Variants in SVIL observed in about 807,000 individuals in gnomAD.
SVIL encodes supervillin, also known as archvillin.
A neutral mutation model predicts 240.4 loss-of-function variants in SVIL; 101 were observed. The ratio of observed to expected loss-of-function variants is 0.42; its 90% CI spans 0.36 to 0.50. The LOEUF (loss-of-function observed/expected upper bound fraction) is 0.50. Among genes scored for constraint, SVIL ranks in the 20% least tolerant of loss-of-function variants. The pLI, the probability that SVIL is intolerant of heterozygous loss-of-function variation, is 0.01. For missense variants in SVIL, 2,512 were observed against 2,818.7 expected (o/e 0.89, Z 2.46); for synonymous variants, 999 against 1,100.0 (o/e 0.91, Z 1.82).
chr10:29,526,305 CTTTT>C (rs36004446), intron 13 of SVIL, among the ~76,000 whole-genome samples: 1 of 115,026 alleles, frequency 8.7e-6, no homozygotes, highest in Admixed American at 1.0e-4. Flanking sequence ...TTTTCTCTTT[CTTTT>C]TTTTTTTTTT....
At chr10:29,630,671 C>T (rs1230864501) in intron 1 of SVIL, among the ~76,000 whole-genome samples, 1 of 151,976 alleles carries the variant, frequency 6.6e-6, no homozygotes, top group African/African-American at 2.4e-5. Flanking sequence ...AGCACGTGTA[C>T]AGAAACCCCA....
rs111629011 is a variant in SVIL, at chr10:29,574,088, C to T, written c.-200-4776G>A. Among the ~76,000 whole-genome samples, 194 of 152,292 alleles carry T rather than the reference C, an allele frequency of 1.3e-3. 2 individuals carry two copies. Among genetic ancestry groups the T allele is most frequent in the African/African-American group, 4.6e-3 (191 of 41,558 alleles). ...CAATAGCATCACACAGCCACCAGCTCAGCATGAACGCACAAAGTTCCCTGC... is the reference window on the plus strand; with the variant it reads ...CAATAGCATCACACAGCCACCAGCTTAGCATGAACGCACAAAGTTCCCTGC... On this transcript the variant is annotated intron_variant, in intron 1 of 37. Transcript: ENST00000355867.
At chr10:29,566,568 G>A (rs1315258830) in intron 2 of SVIL, among the ~76,000 whole-genome samples, 1 of 152,162 alleles carries the variant, frequency 6.6e-6, no homozygotes, top group Non-Finnish European at 1.5e-5. Flanking sequence ...TTTCTTCCCT[G>A]AACTTTCTCT....
chr10:29,692,693 A>G (rs1432515803), intron 1 of SVIL, among the ~76,000 whole-genome samples: 2 of 151,740 alleles, frequency 1.3e-5, no homozygotes, highest in Non-Finnish European at 2.9e-5. Context: ...AGGTCTCCCT[A>G]TGTTGCCCAG....
At chr10:29,723,103 C>T (rs1964086001) in intron 1 of SVIL, among the ~76,000 whole-genome samples, 1 of 152,228 alleles carries the variant, frequency 6.6e-6, no homozygotes, top group Non-Finnish European at 1.5e-5. Flanking sequence ...GGCGTGGTGG[C>T]TCATGCCTAT....
intron 17 of SVIL, among the ~76,000 whole-genome samples, chr10:29,499,782 C>T (rs1200580432): frequency 1.3e-5 from 2 of 152,218 alleles, no homozygotes; most frequent in Non-Finnish European, 2.9e-5. Context: ...TGGCACTCTG[C>T]TTGCTTTTTC....
intron 1 of SVIL, among the ~76,000 whole-genome samples, chr10:29,624,068 T>A (rs1419372175): frequency 1.3e-5 from 2 of 151,982 alleles, no homozygotes; most frequent in African/African-American, 4.8e-5. Flanking sequence ...GAATGTGACT[T>A]TTCCTCACAT....
At position 29,574,945 on chromosome 10, in the gene SVIL, A is replaced by G. The variant is rs1431621980; in HGVS notation, c.-200-5633T>C. On this transcript the variant is annotated intron_variant, in intron 1 of 37. Transcript: ENST00000355867. ...GTAACTAGGGCATAGCTAAGGCCAT[A>G]AGGCTCAGAGAGAAGTCAGTGTCCC... Among the ~76,000 whole-genome samples, 4 of 152,354 alleles carry G rather than the reference A, an allele frequency of 2.6e-5. No individual in the cohort carries two copies. In the East Asian group the frequency reaches 5.8e-4, roughly 22 times the overall value.
At chr10:29,687,532 A>C (rs926365578) in intron 1 of SVIL, among the ~76,000 whole-genome samples, 1 of 152,206 alleles carries the variant, frequency 6.6e-6, no homozygotes, top group Non-Finnish European at 1.5e-5. Flanking sequence ...GTCTCTACCA[A>C]AAATACAAAA....
intron 1 of SVIL, among the ~76,000 whole-genome samples, chr10:29,622,000 C>T (rs1198599374): frequency 6.6e-6 from 1 of 151,888 alleles, no homozygotes; most frequent in African/African-American, 2.4e-5. Flanking sequence ...CCTGTAATCC[C>T]AGCACTTTGG....
chr10:29,533,024 G>A lies in SVIL; in HGVS notation c.1343C>T (p.Ala448Val), dbSNP rs1181463233. The change falls in exon 8 of 38, where the codon GCT becomes GTT. Residue 448 changes from alanine (A) to valine (V), a missense_variant. By Grantham distance (64) the Ala-to-Val change is moderately conservative. Around this residue, in one of 3 missense-constraint regions of SVIL, gnomAD observed 1,443 missense variants for 1,486.6 expected, o/e 0.97. Transcript: ENST00000355867. ...EKEEDVCFTE[A>V]LEQSKKTLLA... The stretch of plus-strand genomic sequence containing the variant: ...TAGGGTTTTCTTGCTTTGCTCGAGA[G>A]CTTCAGTGAAGCACACATCTTCTTC... The A allele has an allele frequency of 6.2e-7, 1 of 1,613,978 alleles. No homozygotes were observed. The highest frequency in any genetic ancestry group is 1.3e-5 in the African/African-American group (1 of 74,920).
intron 1 of SVIL, among the ~76,000 whole-genome samples, chr10:29,717,294 CAG>C (rs1963688026): frequency 9.1e-6 from 1 of 109,932 alleles, no homozygotes; most frequent in Non-Finnish European, 1.8e-5. Context: ...TTTTTTTTCA[CAG>C]ATATCACACA....
intron 2 of SVIL, among the ~76,000 whole-genome samples, chr10:29,660,995 C>T (rs1336957169): frequency 1.3e-5 from 2 of 151,998 alleles, no homozygotes; most frequent in Non-Finnish European, 2.9e-5. Context: ...GGTGAAACCC[C>T]GTCTCTACTA....
chr10:29,551,942 C>A (rs1953385244), intron 5 of SVIL, among the ~76,000 whole-genome samples: 2 of 151,932 alleles, frequency 1.3e-5, no homozygotes, highest in Non-Finnish European at 2.9e-5. Flanking sequence ...GAGACCCTGC[C>A]TCTACAAAAA....
chr10:29,525,925 G>A (rs1950866385), intron 13 of SVIL, among the ~76,000 whole-genome samples: 1 of 152,170 alleles, frequency 6.6e-6, no homozygotes, highest in Non-Finnish European at 1.5e-5. Flanking sequence ...CAGTAACCAG[G>A]AGGGCAGGGA....
chr10:29,520,425 A>G (rs1157197948), intron 16 of SVIL, among the ~76,000 whole-genome samples: 1 of 152,144 alleles, frequency 6.6e-6, no homozygotes, highest in Non-Finnish European at 1.5e-5. Flanking sequence ...GATTGAAGAC[A>G]TCCCTCTCCT....
At chr10:29,620,151 A>C (rs1199600357) in intron 1 of SVIL, among the ~76,000 whole-genome samples, 1 of 152,200 alleles carries the variant, frequency 6.6e-6, no homozygotes, top group Non-Finnish European at 1.5e-5. Flanking sequence ...TGTTTTAAAA[A>C]TTATCATTGC....
At chr10:29,645,276 A>C (rs1364567554) in intron 3 of SVIL, among the ~76,000 whole-genome samples, 1 of 152,126 alleles carries the variant, frequency 6.6e-6, no homozygotes, top group Non-Finnish European at 1.5e-5. Context: ...AGGGGGAAAA[A>C]AAGAAGGAAG....
At chr10:29,479,300 C>T (rs1418341204) in intron 29 of SVIL, among the ~76,000 whole-genome samples, 2 of 152,218 alleles carry the variant, frequency 1.3e-5, no homozygotes, top group African/African-American at 2.4e-5. Flanking sequence ...CTTGAGTGTC[C>T]AGCTCCACTC....
Sources: allele counts gnomAD v4.1 joint callset (sites outside exome capture counted in the v4.1 genomes callset), GRCh38; gene constraint gnomAD v4.1.1; regional missense constraint gnomAD v4.1.1; transcripts MANE v1.5; gene names NCBI Gene and HGNC (gene_info 2026-07-23, HGNC 2026-07-21).